The following BTRC variants were observed in gnomAD, a reference collection of about 807,000 sequenced individuals.
The protein encoded by BTRC is beta-transducin repeat containing E3 ubiquitin protein ligase.
Under a neutral mutation model 85.5 loss-of-function variants are expected in BTRC, and 42 were observed. The observed-to-expected ratio is 0.49, with a 90% CI of 0.38 to 0.64. The LOEUF (loss-of-function observed/expected upper bound fraction) is 0.64, where lower values mean the gene tolerates loss of function less well. Among genes scored for constraint, BTRC ranks in the 30% least tolerant of loss-of-function variants. The probability of loss-of-function intolerance (pLI) is 0.00; values close to 1 mark genes in which losing one functional copy is unlikely to be tolerated. For missense variants in BTRC, 594 were observed against 743.5 expected (o/e 0.80, Z 2.34); for synonymous variants, 255 against 263.3 (o/e 0.97, Z 0.30).
chr10:101,451,431 A>G (rs2134139831), intron 2 of BTRC, among the ~76,000 whole-genome samples: 1 of 152,306 alleles, frequency 6.6e-6, no homozygotes, highest in East Asian at 1.9e-4. Flanking sequence ...AACAAGCATA[A>G]TTGGTTGAAA....
intron 1 of BTRC, among the ~76,000 whole-genome samples, chr10:101,365,535 G>T (rs1942347159): frequency 6.6e-6 from 1 of 151,600 alleles, no homozygotes. Context: ...GAGTGCAGTG[G>T]TGCAGTCTCA....
At chr10:101,399,711 C>T in intron 1 of BTRC, among the ~76,000 whole-genome samples, 1 of 152,106 alleles carries the variant, frequency 6.6e-6, no homozygotes, top group South Asian at 2.1e-4. Context: ...ATTTGATGCA[C>T]TGATTTTTAG....
intron 1 of BTRC, among the ~76,000 whole-genome samples, chr10:101,368,456 CTGTTTTTCTTTTT>C (rs1336344249): frequency 7.8e-6 from 1 of 128,916 alleles, no homozygotes; most frequent in Non-Finnish European, 1.6e-5. Flanking sequence ...ACCTATGCAA[CTGTTTTTCTTTTT>C]TTTTTTTTTT....
chr10:101,460,297 G>C lies in BTRC; in HGVS notation c.157-1684G>C, dbSNP rs201243675. Among the ~76,000 whole-genome samples, 3 of 151,248 alleles carry C rather than the reference G, an allele frequency of 2.0e-5. No homozygotes were observed. In the East Asian group the frequency reaches 5.8e-4, roughly 29 times the overall value. ...TAAATGTTGACCTTTCCCTTTCTTTGTTTGATACTCTTACATAGCATGTAT... is the reference window on the plus strand; with the variant it reads ...TAAATGTTGACCTTTCCCTTTCTTTCTTTGATACTCTTACATAGCATGTAT... On this transcript the variant is annotated intron_variant, in intron 2 of 14. Coordinates refer to ENST00000370187, the MANE Select transcript of BTRC (RefSeq NM_033637.4).
intron 13 of BTRC, among the ~76,000 whole-genome samples, chr10:101,547,760 A>G (rs1198195175): frequency 6.6e-6 from 1 of 152,218 alleles, no homozygotes; most frequent in Non-Finnish European, 1.5e-5. Context: ...TCTCGACAAA[A>G]TATTAGCAAA....
At chr10:101,393,253 T>C (rs1035424686) in intron 1 of BTRC, among the ~76,000 whole-genome samples, 24 of 152,204 alleles carry the variant, frequency 1.6e-4, no homozygotes, top group Non-Finnish European at 3.1e-4. Context: ...TCTTCATTTG[T>C]ATTCTTTGCA....
At position 101,354,898 on chromosome 10, in the gene BTRC, G is replaced by A. The variant is rs142699139; in HGVS notation, c.48+670G>A. On this transcript the variant is annotated intron_variant, in intron 1 of 14. Coordinates refer to ENST00000370187, the MANE Select transcript of BTRC (RefSeq NM_033637.4). ...TAAGGACTGGGAATGAGGACCTAGG[G>A]CTATAATGACAGTCCCTGGGAGGGG... Among the ~76,000 whole-genome samples the A allele has an allele frequency of 4.3e-3, 659 of 152,290 alleles. 20 individuals are homozygous for A. Among genetic ancestry groups the A allele is most frequent in the Admixed American group, 0.04 (612 of 15,296 alleles).
At chr10:101,541,507 A>T (rs897807502) in intron 13 of BTRC, among the ~76,000 whole-genome samples, 2 of 152,024 alleles carry the variant, frequency 1.3e-5, no homozygotes, top group Non-Finnish European at 2.9e-5. Flanking sequence ...TGATCCAGCC[A>T]CCTCAGCCTC....
At chr10:101,365,526 A>T (rs1942346747) in intron 1 of BTRC, among the ~76,000 whole-genome samples, 1 of 151,448 alleles carries the variant, frequency 6.6e-6, no homozygotes, top group African/African-American at 2.4e-5. Flanking sequence ...CACAGGCTGG[A>T]GTGCAGTGGT....
chr10:101,415,701 C>T (rs918902644), intron 1 of BTRC, among the ~76,000 whole-genome samples: 1 of 151,086 alleles, frequency 6.6e-6, no homozygotes. Context: ...GCCACCATGC[C>T]TGGCTAATTT....
chr10:101,359,153 G>A (rs1564725234), intron 1 of BTRC, among the ~76,000 whole-genome samples: 2 of 152,104 alleles, frequency 1.3e-5, no homozygotes. Context: ...AAGTAAACTT[G>A]CTTACTTACT....
At chr10:101,405,144 T>C (rs899908034) in intron 1 of BTRC, among the ~76,000 whole-genome samples, 2 of 152,082 alleles carry the variant, frequency 1.3e-5, no homozygotes, top group Non-Finnish European at 2.9e-5. Context: ...TCCCCAGTAC[T>C]ATCTGGTTCC....
rs141027093 is a variant in BTRC, at chr10:101,377,392, T to G, written c.48+23164T>G. ...ATAGATTTTGTGTGAACATTTTCATTTCTCTAAATACCCATGAGGGAGAAT... is the reference window on the plus strand; with the variant it reads ...ATAGATTTTGTGTGAACATTTTCATGTCTCTAAATACCCATGAGGGAGAAT... On this transcript the variant is annotated intron_variant, in intron 1 of 14. Coordinates refer to ENST00000370187, the MANE Select transcript of BTRC (RefSeq NM_033637.4). 3.0e-4 allele frequency among the ~76,000 whole-genome samples: 45 copies of G among 152,342 alleles called. No individual in the cohort carries two copies. In the East Asian group the frequency reaches 8.5e-3, roughly 29 times the overall value.
At chr10:101,434,726 C>G (rs141549477) in intron 2 of BTRC, among the ~76,000 whole-genome samples, 196 of 151,818 alleles carry the variant, frequency 1.3e-3, no homozygotes, top group Non-Finnish European at 2.3e-3. Flanking sequence ...CCCAGGAGTT[C>G]AGGGCTATAG....
intron 1 of BTRC, among the ~76,000 whole-genome samples, chr10:101,423,179 G>T (rs1386945499): frequency 6.6e-6 from 1 of 152,106 alleles, no homozygotes; most frequent in African/African-American, 2.4e-5. Context: ...CTCCCAAAGT[G>T]GTGGGATTAT....
intron 4 of BTRC, among the ~76,000 whole-genome samples, chr10:101,518,148 G>A (rs1016289281): frequency 3.3e-5 from 5 of 151,958 alleles, no homozygotes; most frequent in African/African-American, 1.2e-4. Context: ...TCCTGACCTC[G>A]TGATCCGCCC....
intron 6 of BTRC, among the ~76,000 whole-genome samples, chr10:101,530,389 A>G (rs2062262000): frequency 6.6e-6 from 1 of 152,170 alleles, no homozygotes; most frequent in African/African-American, 2.4e-5. Context: ...GTGACTGAGC[A>G]GCCACCACAC....
At chr10:101,357,014 A>G (rs1942054353) in intron 1 of BTRC, among the ~76,000 whole-genome samples, 1 of 151,990 alleles carries the variant, frequency 6.6e-6, no homozygotes, top group Non-Finnish European at 1.5e-5. Flanking sequence ...CTGTAGTCCC[A>G]GCTACTCGGG....
At chr10:101,382,196 T>G (rs1165562468) in intron 1 of BTRC, among the ~76,000 whole-genome samples, 1 of 151,786 alleles carries the variant, frequency 6.6e-6, no homozygotes, top group Non-Finnish European at 1.5e-5. Flanking sequence ...CTGGCCAGGC[T>G]GGTCTCGAAC....
Sources: gnomAD v4.1 joint callset for allele counts (sites outside exome capture counted in the v4.1 genomes callset) on GRCh38, gnomAD v4.1.1 for gene constraint, MANE v1.5 for transcripts, NCBI Gene and HGNC (gene_info 2026-07-23, HGNC 2026-07-21) for gene names.